TENM2: variants seen among roughly 807,000 people sequenced by gnomAD.
The protein encoded by TENM2 is teneurin transmembrane protein 2.
In TENM2, 52 loss-of-function variants were observed where a neutral mutation model predicts 245.2. The ratio of observed to expected loss-of-function variants is 0.21; its 90% confidence interval spans 0.17 to 0.27. The LOEUF (loss-of-function observed/expected upper bound fraction) is 0.27. Ranked by LOEUF, TENM2 falls within the 10% of genes least tolerant of loss-of-function variation. The pLI is 1.00. For missense variants in TENM2, 3,046 were observed against 3,666.8 expected, an observed-to-expected ratio of 0.83 and a Z score of 4.37; for synonymous variants, 1,363 against 1,438.9, an observed-to-expected ratio of 0.95 and a Z score of 1.19.
At chr5:168,037,951 G>A (rs1374350973) in intron 5 of TENM2, among the ~76,000 whole-genome samples, 1 of 152,198 alleles carries the variant, frequency 6.6e-6, no homozygotes, top group Admixed American at 6.5e-5. Flanking sequence ...AACCACAGAG[G>A]TTTCTCTGAA....
At chr5:168,023,900 G>A (rs1377754294) in intron 5 of TENM2, among the ~76,000 whole-genome samples, 4 of 152,140 alleles carry the variant, frequency 2.6e-5, no homozygotes, top group African/African-American at 9.7e-5. Context: ...TAAGTCTCAA[G>A]CAGTTTGATC....
intron 2 of TENM2, among the ~76,000 whole-genome samples, chr5:167,606,376 G>C (rs968431032): frequency 2.6e-5 from 4 of 152,080 alleles, no homozygotes; most frequent in Admixed American, 1.3e-4. Context: ...TGGGGGAGAA[G>C]GGGACATGGG....
the TENM2 span, among the ~76,000 whole-genome samples, chr5:167,107,791 A>G: frequency 4.6e-5 from 7 of 152,220 alleles, no homozygotes; most frequent in African/African-American, 1.4e-4. Flanking sequence ...TCAAGGAAGA[A>G]TTCAAATCCT....
chr5:167,451,058 G>A (rs941363137), intron 2 of TENM2, among the ~76,000 whole-genome samples: 13 of 152,084 alleles, frequency 8.5e-5, no homozygotes, highest in South Asian at 2.1e-4. Context: ...AAACTGTTTC[G>A]TAAAATGTAT....
intron 2 of TENM2, among the ~76,000 whole-genome samples, chr5:167,594,149 A>C (rs1299736636): frequency 2.0e-5 from 3 of 152,190 alleles, no homozygotes; most frequent in Non-Finnish European, 1.5e-5. Flanking sequence ...TAAATATGTC[A>C]GTGGATTGGA....
chr5:167,012,584 TG>T, the TENM2 span, among the ~76,000 whole-genome samples: 1 of 152,138 alleles, frequency 6.6e-6, no homozygotes. Context: ...CAACCACACA[TG>T]GGAATTTTGT....
chr5:167,142,215 T>G, the TENM2 span, among the ~76,000 whole-genome samples: 1 of 152,122 alleles, frequency 6.6e-6, no homozygotes, highest in African/African-American at 2.4e-5. Context: ...GGGGTTGCAG[T>G]CTAACCTTGC....
At chr5:167,950,400 G>A (rs1408348939) in intron 3 of TENM2, among the ~76,000 whole-genome samples, 2 of 152,078 alleles carry the variant, frequency 1.3e-5, no homozygotes, top group Non-Finnish European at 2.9e-5. Flanking sequence ...CTCATTTAGG[G>A]AATTAAATCC....
chr5:167,283,420 A>G (rs914580657), upstream of TENM2, among the ~76,000 whole-genome samples: 3 of 152,138 alleles, frequency 2.0e-5, no homozygotes, highest in Non-Finnish European at 2.9e-5. Context: ...TACACGTAGT[A>G]TAGATTGGGG....
At chr5:167,842,193 A>G (rs1195077188) in intron 2 of TENM2, among the ~76,000 whole-genome samples, 2 of 152,164 alleles carry the variant, frequency 1.3e-5, no homozygotes, top group African/African-American at 4.8e-5. Context: ...GGCCTCATGG[A>G]CACTAGATAG....
chr5:167,029,356 G>A, the TENM2 span, among the ~76,000 whole-genome samples: 1 of 152,090 alleles, frequency 6.6e-6, no homozygotes, highest in Non-Finnish European at 1.5e-5. Context: ...ATGTAATAAA[G>A]ACAACTAAAA....
intron 2 of TENM2, among the ~76,000 whole-genome samples, chr5:167,709,755 A>G (rs1201575348): frequency 6.6e-6 from 1 of 152,222 alleles, no homozygotes; most frequent in East Asian, 1.9e-4. Flanking sequence ...TCTCTTCAAG[A>G]AAATGGCTCT....
intron 2 of TENM2, among the ~76,000 whole-genome samples, chr5:167,499,113 A>T (rs200727075): frequency 6.6e-6 from 1 of 152,016 alleles, no homozygotes; most frequent in Non-Finnish European, 1.5e-5. Flanking sequence ...CTTCATCCCA[A>T]TGCAACTTCT....
At chr5:167,019,234 TTGA>T in the TENM2 span, among the ~76,000 whole-genome samples, 1 of 152,132 alleles carries the variant, frequency 6.6e-6, no homozygotes, top group Non-Finnish European at 1.5e-5. Context: ...TTGAATTGTC[TTGA>T]TGAATATTTC....
chr5:168,072,790 GAATC>G (rs1791133944), intron 7 of TENM2, among the ~76,000 whole-genome samples: 1 of 152,202 alleles, frequency 6.6e-6, no homozygotes, highest in African/African-American at 2.4e-5. Context: ...CCATGGAGAT[GAATC>G]AATCAATCTA....
At chr5:167,262,390 CT>C in the TENM2 span, among the ~76,000 whole-genome samples, 16,347 of 148,938 alleles carry the variant, frequency 0.11, 1,044 homozygotes, top group East Asian at 0.18. Context: ...ATCAAGATGG[CT>C]TTTTTTTTGG....
chr5:167,706,263 C>T (rs1758515761), intron 2 of TENM2, among the ~76,000 whole-genome samples: 1 of 142,778 alleles, frequency 7.0e-6, no homozygotes, highest in African/African-American at 2.6e-5. Flanking sequence ...ATTATTTATG[C>T]TGTGATATAT....
chr5:167,620,432 CTCCTTTTTAT>C (rs1778084128), intron 2 of TENM2, among the ~76,000 whole-genome samples: 1 of 151,828 alleles, frequency 6.6e-6, no homozygotes, highest in South Asian at 2.1e-4. Context: ...CTGTTCTTGG[CTCCTTTTTAT>C]TTTTAACTTG....
rs574897804 is a variant in TENM2 at position 168,228,228 on chromosome 5, G to A, written c.5520+98G>A. 6.2e-6 allele frequency: 6 copies of A among 972,606 alleles called. No individual in the cohort carries two copies. In the East Asian group the frequency reaches 1.6e-4, roughly 25 times the overall value. The allele number at this position is 972,606 out of a possible 1,614,324, so 60.2% of individuals were successfully genotyped here. ...TTTCTCTGTTACCACAGAGTGGGAG[G>A]GGATATACACTTTCCTCACAGAGCT... On this transcript the variant is annotated intron_variant, in intron 25 of 28. Coordinates refer to ENST00000518659, the Ensembl canonical transcript of TENM2.
Sources: allele counts gnomAD v4.1 joint callset (sites outside exome capture counted in the v4.1 genomes callset), GRCh38; gene constraint gnomAD v4.1.1; transcripts MANE v1.5; gene names NCBI Gene and HGNC (gene_info 2026-07-23, HGNC 2026-07-21).